Variants in PCDHA8 observed in about 807,000 individuals in gnomAD.
PCDHA8 encodes protocadherin alpha 8.
PCDHA8 carries 53 observed loss-of-function variants against 61.8 expected under a neutral mutation model. The observed-to-expected ratio is 0.86, with a 90% CI of 0.69 to 1.08. PCDHA8 has a LOEUF of 1.08. Ranked by LOEUF, PCDHA8 falls within the 50% of genes least tolerant of loss-of-function variation. PCDHA8 has a pLI of 0.00. For synonymous variants in PCDHA8, 618 were observed against 556.6 expected, an observed-to-expected ratio of 1.11 and a Z score of -1.55; for missense variants, 1,293 against 1,245.0, an observed-to-expected ratio of 1.04 and a Z score of -0.58.
At chr5:140,942,434 T>C (rs2093297092) in intron 1 of PCDHA8, among the ~76,000 whole-genome samples, 1 of 151,244 alleles carries the variant, frequency 6.6e-6, no homozygotes, top group African/African-American at 2.4e-5. Flanking sequence ...TATCTAACAA[T>C]AAACAAGTAA....
intron 1 of PCDHA8, chr5:140,862,180 CA>C (rs1408132694): frequency 6.0e-6 from 1 of 165,728 alleles, no homozygotes; most frequent in African/African-American, 2.4e-5. Context: ...GCAGTTGACA[CA>C]GGCAATTCCC....
chr5:140,966,714 G>C, intron 1 of PCDHA8: 1 of 1,394,064 alleles, frequency 7.2e-7, no homozygotes, highest in South Asian at 1.6e-5. Flanking sequence ...GGCACGGCTG[G>C]GGAAGCTGCC....
intron 3 of PCDHA8, among the ~76,000 whole-genome samples, chr5:141,005,018 T>G (rs2098193299): frequency 6.6e-6 from 1 of 152,250 alleles, no homozygotes; most frequent in Non-Finnish European, 1.5e-5. Context: ...AGCTGCATTA[T>G]ATATAATTGC....
intron 1 of PCDHA8, among the ~76,000 whole-genome samples, chr5:140,915,048 C>T (rs782399136): frequency 2.0e-5 from 3 of 151,284 alleles, no homozygotes; most frequent in East Asian, 1.9e-4. Context: ...TGGGTTCAAG[C>T]GATTCTCCTG....
At chr5:140,931,962 A>G (rs1439185046) in intron 1 of PCDHA8, among the ~76,000 whole-genome samples, 1 of 151,924 alleles carries the variant, frequency 6.6e-6, no homozygotes, top group Non-Finnish European at 1.5e-5. Context: ...AATCATGTTG[A>G]TGCATATGTG....
intron 1 of PCDHA8, chr5:140,863,226 C>CCGA: frequency 1.7e-6 from 2 of 1,160,306 alleles, no homozygotes; most frequent in Non-Finnish European, 2.5e-6. Context: ...CGAGGAAGGT[C>CCGA]CCATCGCGGG....
intron 1 of PCDHA8, among the ~76,000 whole-genome samples, chr5:140,959,312 C>G (rs2095480226): frequency 6.6e-6 from 1 of 151,968 alleles, no homozygotes; most frequent in South Asian, 2.1e-4. Flanking sequence ...GTGGTTGAAG[C>G]TGCAATAAGT....
intron 1 of PCDHA8, among the ~76,000 whole-genome samples, chr5:140,941,848 G>A (rs2093183003): frequency 6.6e-6 from 1 of 152,142 alleles, no homozygotes; most frequent in South Asian, 2.1e-4. Flanking sequence ...GCCATTACCT[G>A]ATATTCCCTA....
At chr5:140,922,166 G>A (rs1304025068) in intron 1 of PCDHA8, among the ~76,000 whole-genome samples, 1 of 143,464 alleles carries the variant, frequency 7.0e-6, no homozygotes, top group East Asian at 2.2e-4. Flanking sequence ...ACAACAAAAA[G>A]TACAGCAGAC....
chr5:140,888,802 AGTGATCT>A (rs1418023292), intron 1 of PCDHA8, among the ~76,000 whole-genome samples: 2 of 152,088 alleles, frequency 1.3e-5, no homozygotes, highest in African/African-American at 4.8e-5. Flanking sequence ...GAGGTTGATC[AGTGATCT>A]GTGATCTGTG....
rs2150323883 is a variant in PCDHA8 at position 140,841,833 on chromosome 5, G to A, written c.512G>A (p.Arg171Lys). The stretch of plus-strand genomic sequence containing the variant: ...GGAGCTAACTCCGTGTTAACCTACA[G>A]GCTTAGCTCTCATGATTACTTCATG... ...DVGANSVLTY[R>K]LSSHDYFMLD... Residue 171 changes from arginine to lysine, a missense_variant, in exon 1 of 4, where the codon AGG becomes AAG. Transcript: ENST00000531613. 1.2e-6 allele frequency: 2 copies of A among 1,613,938 alleles called. No homozygotes were observed. Among genetic ancestry groups the A allele is most frequent in the South Asian group, 2.2e-5 (2 of 91,084 alleles).
rs199847007 is a variant in PCDHA8, at chr5:140,883,896, C to A, written c.2394+40181C>A. ...GTGAGCGCGCGCGACTCTGGCGTGC[C>A]GCCTCTGGGCAGCAACGTGACGCTG... On this transcript the variant is annotated intron_variant, in intron 1 of 3. Transcript: ENST00000531613. The A allele has an allele frequency of 3.1e-6, 5 of 1,613,386 alleles. 1 individual carries two copies. In the South Asian group the frequency reaches 4.4e-5, roughly 14 times the overall value.
At chr5:140,843,774 A>T in intron 1 of PCDHA8, 59 bp downstream of exon 1, 1 of 1,457,980 alleles carries the variant, frequency 6.9e-7, no homozygotes. Context: ...TAGTTACTTT[A>T]AAAGTGTTTC....
intron 1 of PCDHA8, chr5:140,870,813 C>A: frequency 3.7e-6 from 6 of 1,613,700 alleles, no homozygotes; most frequent in Non-Finnish European, 5.1e-6. Context: ...CTCAGGCTGG[C>A]AGCGCGGGAG....
At position 140,858,191 on chromosome 5, in the gene PCDHA8, C is replaced by T. The variant is rs782250673; in HGVS notation, c.2394+14476C>T. On this transcript the variant is annotated intron_variant, in intron 1 of 3. Transcript: ENST00000531613. ...CAGCTTGCTGGTGCTCACGCTGCTG[C>T]TGTACACTGCACTGAGGTGCTCGGC... 16 of 1,597,324 alleles carry T rather than the reference C, an allele frequency of 1.0e-5. 2 individuals carry two copies. In the Admixed American group the frequency reaches 2.7e-4, roughly 27 times the overall value.
intron 1 of PCDHA8, chr5:140,876,308 A>G: frequency 6.2e-7 from 1 of 1,614,070 alleles, no homozygotes; most frequent in Non-Finnish European, 8.5e-7. Flanking sequence ...GAAATTTCCT[A>G]TGGGATCAAA....
rs955565578 is a variant in PCDHA8, at chr5:141,012,291, T to C, written c.*2354T>C. 6 of 153,804 alleles carry C rather than the reference T, an allele frequency of 3.9e-5. No homozygotes were observed. The highest frequency in any genetic ancestry group is 9.6e-5 in the African/African-American group (4 of 41,478). The allele number at this position is 153,804 out of a possible 1,614,324, so 9.5% of individuals were successfully genotyped here. A position where few individuals can be genotyped will look rare whatever the true frequency, so the allele number is the denominator to read the frequency against. On this transcript the variant is annotated 3_prime_UTR_variant, in exon 4 of 4. Coordinates refer to ENST00000531613, the MANE Select transcript of PCDHA8 (RefSeq NM_018911.3). ...ACACGTCATGTGGATTCATTTTGAA[T>C]TGGTGCTATTGGTATTTCCTCTGTT...
chr5:140,939,993 G>A (rs889924458), intron 1 of PCDHA8, among the ~76,000 whole-genome samples: 3 of 151,902 alleles, frequency 2.0e-5, no homozygotes, highest in African/African-American at 7.3e-5. Context: ...GTTTCTCCTT[G>A]GATTTTGTCA....
chr5:140,966,923 G>A (rs781929029), intron 1 of PCDHA8: 36 of 1,602,826 alleles, frequency 2.2e-5, no homozygotes, highest in Non-Finnish European at 3.0e-5. Context: ...AGAGGAGCAG[G>A]CACCCGGCGC....
Sources: gnomAD v4.1 joint callset for allele counts (sites outside exome capture counted in the v4.1 genomes callset) on GRCh38, gnomAD v4.1.1 for gene constraint, MANE v1.5 for transcripts, NCBI Gene and HGNC (gene_info 2026-07-23, HGNC 2026-07-21) for gene names.